The following TOX variants were observed in gnomAD, a reference collection of about 807,000 sequenced individuals.
TOX encodes the protein thymocyte selection associated high mobility group box.
In TOX, 11 loss-of-function variants were observed where a neutral mutation model predicts 53.7. The observed-to-expected ratio is 0.20, with a 90% CI of 0.13 to 0.34. The LOEUF is 0.34. TOX is among the 10% of genes least tolerant of loss of function. The probability of loss-of-function intolerance (pLI) is 1.00; values close to 1 mark genes in which losing one functional copy is unlikely to be tolerated. For synonymous variants in TOX, 225 were observed against 245.3 expected (o/e 0.92, Z 0.77); for missense variants, 570 against 664.6 (o/e 0.86, Z 1.56).
chr8:58,925,185 T>A (rs570660881), intron 3 of TOX, among the ~76,000 whole-genome samples: 1 of 152,276 alleles, frequency 6.6e-6, no homozygotes, highest in African/African-American at 2.4e-5. Flanking sequence ...CCTCAGAAAA[T>A]TTGAGTTTTT....
intron 1 of TOX, among the ~76,000 whole-genome samples, chr8:59,005,835 G>A (rs1050034640): frequency 1.3e-5 from 2 of 152,250 alleles, no homozygotes; most frequent in African/African-American, 4.8e-5. Context: ...CCCCTTGGCT[G>A]AAGCTGAAAG....
At position 58,989,604 on chromosome 8, in the gene TOX, T is replaced by C. The variant is rs528727589; in HGVS notation, c.103-29596A>G. On this transcript the variant is annotated intron_variant, in intron 1 of 8. Coordinates refer to ENST00000361421, the MANE Select transcript of TOX (RefSeq NM_014729.3). ...CCTTTACTGTTAGCAAAAGACCATATGCTATTTCACTTGCATCTCATTAAG... is the reference window on the plus strand; with the variant it reads ...CCTTTACTGTTAGCAAAAGACCATACGCTATTTCACTTGCATCTCATTAAG... Among the ~76,000 whole-genome samples the C allele has an allele frequency of 3.3e-5, 5 of 152,372 alleles. No individual in the cohort carries two copies. The South Asian group carries it at 8.3e-4, about 25-fold the overall frequency.
intron 3 of TOX, among the ~76,000 whole-genome samples, chr8:58,895,384 G>A (rs958169797): frequency 3.3e-5 from 5 of 152,140 alleles, no homozygotes; most frequent in Non-Finnish European, 5.9e-5. Flanking sequence ...ATAAGCAAAC[G>A]TATAAATATA....
intron 3 of TOX, among the ~76,000 whole-genome samples, chr8:58,921,030 T>C (rs932390407): frequency 2.8e-4 from 43 of 152,110 alleles, no homozygotes; most frequent in Non-Finnish European, 3.2e-4. Context: ...TGTCCAGTCA[T>C]TTTTTAGGAC....
chr8:58,912,639 A>T (rs968201262), intron 3 of TOX, among the ~76,000 whole-genome samples: 1 of 152,218 alleles, frequency 6.6e-6, no homozygotes, highest in African/African-American at 2.4e-5. Flanking sequence ...ACAAGTTTCC[A>T]CATGATGCTG....
rs1810005200 is a variant in TOX, at chr8:58,807,795, G to A, written c.1545-12C>T. On this transcript the variant is annotated splice_polypyrimidine_tract_variant and intron_variant, in intron 8 of 8. Coordinates refer to ENST00000361421, the MANE Select transcript of TOX (RefSeq NM_014729.3). The stretch of plus-strand genomic sequence containing the variant: ...CCCTCTGCATGCCCCTGTAGGAAGA[G>A]AAAAAAGACAGTTCCTTGTTACAGG... The A allele has an allele frequency of 6.2e-7, 1 of 1,614,016 alleles. No individual in the cohort carries two copies. The highest frequency in any genetic ancestry group is 1.1e-5 in the South Asian group (1 of 91,088).
At chr8:59,013,465 C>T (rs1213259897) in intron 1 of TOX, among the ~76,000 whole-genome samples, 1 of 149,946 alleles carries the variant, frequency 6.7e-6, no homozygotes, top group Non-Finnish European at 1.5e-5. Flanking sequence ...AGCTGGAGTG[C>T]AGTGGCGCGA....
intron 7 of TOX, among the ~76,000 whole-genome samples, chr8:58,809,081 A>G (rs577806261): frequency 4.1e-4 from 62 of 152,358 alleles, no homozygotes; most frequent in African/African-American, 1.4e-3. Context: ...TCTGGTAAAC[A>G]AAAAGCATTC....
intron 1 of TOX, among the ~76,000 whole-genome samples, chr8:59,106,244 C>G (rs1804899103): frequency 6.7e-6 from 1 of 150,280 alleles, no homozygotes; most frequent in African/African-American, 2.5e-5. Flanking sequence ...TATAGAAAGG[C>G]AATTGACCTC....
intron 1 of TOX, among the ~76,000 whole-genome samples, chr8:58,983,978 T>C (rs1418327108): frequency 6.6e-6 from 1 of 152,214 alleles, no homozygotes; most frequent in Non-Finnish European, 1.5e-5. Context: ...GTGAGGCATA[T>C]TTGCCTGAGG....
chr8:58,983,227 T>A (rs1399216267), intron 1 of TOX, among the ~76,000 whole-genome samples: 1 of 152,216 alleles, frequency 6.6e-6, no homozygotes, highest in Non-Finnish European at 1.5e-5. Flanking sequence ...TATACACACA[T>A]CATTGTGTAG....
chr8:58,978,292 G>T (rs1294275916), intron 1 of TOX, among the ~76,000 whole-genome samples: 1 of 152,124 alleles, frequency 6.6e-6, no homozygotes, highest in Non-Finnish European at 1.5e-5. Flanking sequence ...ACTTCAGTCT[G>T]CATGGAATTA....
At chr8:59,102,602 C>G (rs1387793537) in intron 1 of TOX, among the ~76,000 whole-genome samples, 1 of 152,110 alleles carries the variant, frequency 6.6e-6, no homozygotes, top group Non-Finnish European at 1.5e-5. Context: ...AGCAAAGACC[C>G]ACCCCCATGA....
intron 1 of TOX, among the ~76,000 whole-genome samples, chr8:58,972,857 TAA>T (rs1246062680): frequency 6.6e-6 from 1 of 152,222 alleles, no homozygotes; most frequent in Non-Finnish European, 1.5e-5. Flanking sequence ...AATGTTAGAT[TAA>T]GTAGTTTTAA....
chr8:58,967,411 C>T (rs143373974), intron 1 of TOX, among the ~76,000 whole-genome samples: 7 of 152,246 alleles, frequency 4.6e-5, no homozygotes, highest in African/African-American at 1.7e-4. Flanking sequence ...CAGTTACATG[C>T]TCCCCAGATC....
chr8:58,996,242 T>G (rs1386352189), intron 1 of TOX, among the ~76,000 whole-genome samples: 7 of 152,226 alleles, frequency 4.6e-5, no homozygotes, highest in Admixed American at 4.6e-4. Flanking sequence ...TTCACAATGT[T>G]TTCCCCACAC....
chr8:58,818,457 A>C (rs774129757), intron 6 of TOX, among the ~76,000 whole-genome samples: 3 of 152,188 alleles, frequency 2.0e-5, no homozygotes, highest in African/African-American at 7.2e-5. Context: ...AGGTGCTCCA[A>C]TATAAGTTAT....
At chr8:59,111,699 T>A (rs562203046) in intron 1 of TOX, among the ~76,000 whole-genome samples, 1 of 152,174 alleles carries the variant, frequency 6.6e-6, no homozygotes, top group Non-Finnish European at 1.5e-5. Context: ...AAAGCTAGTA[T>A]CATCACTACT....
In TOX at chr8:58,826,852, G is replaced by T. The variant is rs191970234; in HGVS notation, c.975C>A (p.Leu325=). 1 of 1,611,960 alleles carries T rather than the reference G, an allele frequency of 6.2e-7. No individual in the cohort carries two copies. The highest frequency in any genetic ancestry group is 1.1e-5 in the South Asian group (1 of 90,784). ...EAAKKEYLKQ[L]AAYRASLVSK... is the part of the protein sequence containing the mutation. ...ATACAAGGCTGGCTCTGTATGCTGC[G>T]AGTTGCTTCAGGTACTCCTTCTTCG... is the stretch of plus-strand genomic sequence containing the variant. Residue 325 remains leucine (L), a synonymous_variant, in exon 6 of 9, where the codon CTC becomes CTA. Coordinates refer to ENST00000361421, the MANE Select transcript of TOX (RefSeq NM_014729.3).
Sources: gnomAD v4.1 joint callset for allele counts (sites outside exome capture counted in the v4.1 genomes callset) on GRCh38, gnomAD v4.1.1 for gene constraint, MANE v1.5 for transcripts, NCBI Gene and HGNC (gene_info 2026-07-23, HGNC 2026-07-21) for gene names.